Variants in SYNE2 observed in about 807,000 individuals in gnomAD.
SYNE2 encodes spectrin repeat containing nuclear envelope protein 2, also known as nesprin-2.
SYNE2 carries 431 observed loss-of-function variants against 856.3 expected under a neutral mutation model. That is an observed-to-expected ratio of 0.50 (90% CI 0.47 to 0.55). The LOEUF is 0.55. Among genes scored for constraint, SYNE2 ranks in the 20% least tolerant of loss-of-function variants. SYNE2 has a pLI of 0.00. For synonymous variants in SYNE2, 2,923 were observed against 2,872.3 expected, an observed-to-expected ratio of 1.02 and a Z score of -0.56; for missense variants, 8,129 against 8,023.2, an observed-to-expected ratio of 1.01 and a Z score of -0.50.
At chr14:63,796,948 G>A (rs1175280448) in intron 1 of SYNE2, among the ~76,000 whole-genome samples, 7 of 151,876 alleles carry the variant, frequency 4.6e-5, no homozygotes, top group Non-Finnish European at 7.4e-5. Flanking sequence ...GTGTGGTGGC[G>A]TGCGCCTCTA....
chr14:64,051,130 G>A (rs1043163939), intron 47 of SYNE2, among the ~76,000 whole-genome samples: 11 of 152,108 alleles, frequency 7.2e-5, no homozygotes, highest in African/African-American at 2.7e-4. Flanking sequence ...CAGCTTTTTA[G>A]TCAATATTTT....
At chr14:63,788,316 G>A (rs931045038) in intron 1 of SYNE2, among the ~76,000 whole-genome samples, 2 of 152,158 alleles carry the variant, frequency 1.3e-5, no homozygotes, top group African/African-American at 4.8e-5. Context: ...GGCAGCTGCA[G>A]CTGCAGCTGC....
intron 60 of SYNE2, among the ~76,000 whole-genome samples, chr14:64,092,426 G>A (rs11158527): frequency 0.075 from 11,365 of 152,190 alleles, 672 homozygotes; most frequent in African/African-American, 0.17. Flanking sequence ...AAGTACCCTC[G>A]TTGTAGAAAA....
Position 63,862,194 on chromosome 14 carries a change from A to G in SYNE2, c.-52+9051A>G, listed in dbSNP as rs77147710. 5.5e-3 allele frequency among the ~76,000 whole-genome samples: 841 copies of G among 152,376 alleles called. 6 individuals are homozygous for G. The highest frequency in any genetic ancestry group is 0.019 in the African/African-American group (793 of 41,588). On this transcript the variant is annotated intron_variant, in intron 1 of 115. Coordinates refer to ENST00000555002, the MANE Select transcript of SYNE2 (RefSeq NM_182914.3). Reference sequence around the variant, plus strand: ...CTTACATTATAGATAAAACTTATCTAGAGCTAATTTACACAAAAGTTGGAT... The same window carrying G: ...CTTACATTATAGATAAAACTTATCTGGAGCTAATTTACACAAAAGTTGGAT...
intron 11 of SYNE2, among the ~76,000 whole-genome samples, chr14:63,970,395 C>T (rs1218279053): frequency 2.6e-5 from 4 of 152,018 alleles, no homozygotes; most frequent in African/African-American, 9.7e-5. Flanking sequence ...TGCCATGTTG[C>T]CCATACTGGT....
chr14:64,175,726 C>T (rs1171974512), intron 95 of SYNE2, among the ~76,000 whole-genome samples: 1 of 152,026 alleles, frequency 6.6e-6, no homozygotes, highest in African/African-American at 2.4e-5. Context: ...TTTACTTTGT[C>T]TTTCTCCAAG....
intron 67 of SYNE2, among the ~76,000 whole-genome samples, chr14:64,120,038 T>TTA (rs1238017707): frequency 1.3e-5 from 2 of 152,320 alleles, no homozygotes; most frequent in African/African-American, 4.8e-5. Flanking sequence ...TTGCAAGTAT[T>TTA]TATATATATA....
chr14:64,121,462 G>T (rs1178021961), intron 68 of SYNE2, among the ~76,000 whole-genome samples: 1 of 152,196 alleles, frequency 6.6e-6, no homozygotes, highest in East Asian at 1.9e-4. Context: ...GGCAGAGGTT[G>T]CAGCGAGCTA....
intron 80 of SYNE2, among the ~76,000 whole-genome samples, chr14:64,140,924 G>T (rs1407614623): frequency 6.6e-6 from 1 of 151,628 alleles, no homozygotes. Context: ...ATACTTCGTA[G>T]CTATGATTAC....
rs113353985 is a variant in SYNE2 at position 63,912,848 on chromosome 14, C to T, written c.79+3621C>T. ...CTTTGCCGAAATTCATAGAGCAGGA[C>T]GATAAGCAAGTGACTTTATCTTTCT... On this transcript the variant is annotated intron_variant, in intron 2 of 115. Coordinates refer to ENST00000555002, the MANE Select transcript of SYNE2 (RefSeq NM_182914.3). Among the ~76,000 whole-genome samples, 824 of 152,286 alleles carry T rather than the reference C, an allele frequency of 5.4e-3. 4 individuals carry two copies. The highest frequency in any genetic ancestry group is 0.018 in the African/African-American group (762 of 41,554).
At chr14:63,999,087 A>C (rs1392723254) in intron 27 of SYNE2, 47 bp downstream of exon 27, 2 of 1,579,088 alleles carry the variant, frequency 1.3e-6, no homozygotes, top group Non-Finnish European at 1.7e-6. Context: ...TTTATTAGAA[A>C]ATAGTACCAC....
Position 63,998,177 on chromosome 14 carries a change from A to G in SYNE2, c.3244-42A>G, listed in dbSNP as rs191291913. 48 of 1,321,610 alleles carry G rather than the reference A, an allele frequency of 3.6e-5. No homozygotes were observed. The East Asian group carries it at 1.1e-3, about 30-fold the overall frequency. The allele number at this position is 1,321,610 out of a possible 1,614,324, so 81.9% of individuals were successfully genotyped here. A position where few individuals can be genotyped will look rare whatever the true frequency, so the allele number is the denominator to read the frequency against. ...CATTTATCTTTTCCAGATAAAAAGTATGTTTAAGATATTTCGTTTACTATT... is the reference window on the plus strand; with the variant it reads ...CATTTATCTTTTCCAGATAAAAAGTGTGTTTAAGATATTTCGTTTACTATT... On this transcript the variant is annotated intron_variant, in intron 25 of 115. Transcript: ENST00000555002.
At chr14:63,789,085 A>G (rs73267664) in intron 1 of SYNE2, among the ~76,000 whole-genome samples, 2,181 of 152,338 alleles carry the variant, frequency 0.014, 34 homozygotes, top group South Asian at 0.078. Flanking sequence ...ACTAGAGAAC[A>G]TTATGTTAAT....
intron 2 of SYNE2, among the ~76,000 whole-genome samples, chr14:63,933,797 T>C (rs2095795821): frequency 6.6e-6 from 1 of 152,308 alleles, no homozygotes; most frequent in African/African-American, 2.4e-5. Context: ...TCCTATTCTC[T>C]ACATGCCATT....
chr14:63,930,404 A>C (rs2095734774), intron 2 of SYNE2, among the ~76,000 whole-genome samples: 1 of 152,100 alleles, frequency 6.6e-6, no homozygotes, highest in Admixed American at 6.6e-5. Flanking sequence ...TTTTTAAAAA[A>C]AATTCTCCAA....
At chr14:64,089,293 G>A (rs1185665117) in intron 58 of SYNE2, among the ~76,000 whole-genome samples, 1 of 150,146 alleles carries the variant, frequency 6.7e-6, no homozygotes, top group Non-Finnish European at 1.5e-5. Context: ...TTGAACCTGG[G>A]AGGCGGAGGT....
intron 87 of SYNE2, among the ~76,000 whole-genome samples, chr14:64,161,605 G>A (rs1055699462): frequency 2.6e-5 from 4 of 151,864 alleles, no homozygotes; most frequent in Non-Finnish European, 5.9e-5. Context: ...ATTCATAGGC[G>A]GGGCGCACCA....
At chr14:64,221,799 C>T in intron 112 of SYNE2, 95 bp downstream of exon 112, 1 of 1,448,806 alleles carries the variant, frequency 6.9e-7, no homozygotes, top group Non-Finnish European at 9.7e-7. Context: ...ATTTCAGGAA[C>T]TGTGCCAGTG....
At chr14:63,865,723 C>A (rs1030761388) in intron 1 of SYNE2, among the ~76,000 whole-genome samples, 3 of 99,914 alleles carry the variant, frequency 3.0e-5, no homozygotes, top group Admixed American at 1.0e-4. Flanking sequence ...CACCCCCCCC[C>A]CAAAAAAAAA....
Sources: gnomAD v4.1 joint callset for allele counts (sites outside exome capture counted in the v4.1 genomes callset) on GRCh38, gnomAD v4.1.1 for gene constraint, MANE v1.5 for transcripts, NCBI Gene and HGNC (gene_info 2026-07-23, HGNC 2026-07-21) for gene names.